MBNL1: variants seen among roughly 807,000 people sequenced by gnomAD.
MBNL1 encodes muscleblind like splicing regulator 1.
Under a neutral mutation model 42.2 loss-of-function variants are expected in MBNL1, and 8 were observed. That is an observed-to-expected ratio of 0.19 (90% CI 0.11 to 0.34). MBNL1 has a LOEUF of 0.34. MBNL1 is among the 10% of genes least tolerant of loss of function. MBNL1 has a pLI of 1.00. For missense variants in MBNL1, 309 were observed against 495.3 expected, an observed-to-expected ratio of 0.62 and a Z score of 3.57; for synonymous variants, 169 against 173.9, an observed-to-expected ratio of 0.97 and a Z score of 0.22.
chr3:152,295,964 G>A (rs1395011688), intron 1 of MBNL1, among the ~76,000 whole-genome samples: 1 of 152,194 alleles, frequency 6.6e-6, no homozygotes, highest in Non-Finnish European at 1.5e-5. Context: ...TGTAAATCAT[G>A]TTACAGGTCA....
chr3:152,280,471 CAGA>C (rs1488690614), intron 1 of MBNL1, among the ~76,000 whole-genome samples: 1 of 152,072 alleles, frequency 6.6e-6, no homozygotes, highest in Non-Finnish European at 1.5e-5. Context: ...CTGGACTAGA[CAGA>C]AGAAATTAAT....
chr3:152,389,860 T>G (rs1482997555), intron 2 of MBNL1, among the ~76,000 whole-genome samples: 3 of 152,126 alleles, frequency 2.0e-5, no homozygotes, highest in African/African-American at 7.2e-5. Context: ...AAATTAACCT[T>G]AATGTAATTT....
intron 2 of MBNL1, among the ~76,000 whole-genome samples, chr3:152,343,696 A>G (rs2152879510): frequency 6.6e-6 from 1 of 152,160 alleles, no homozygotes; most frequent in East Asian, 1.9e-4. Context: ...TGACGGGTTT[A>G]GGAACTCAGT....
intron 3 of MBNL1, among the ~76,000 whole-genome samples, chr3:152,421,596 G>T (rs6772552): frequency 6.6e-5 from 10 of 151,886 alleles, no homozygotes; most frequent in Non-Finnish European, 1.5e-4. Context: ...TACAGAGAAC[G>T]ACACAAATAT....
At chr3:152,451,928 G>T (rs563807814) in intron 6 of MBNL1, among the ~76,000 whole-genome samples, 4 of 152,242 alleles carry the variant, frequency 2.6e-5, no homozygotes, top group African/African-American at 9.6e-5. Context: ...AATGGCTTTT[G>T]TAAGGTTTAG....
At chr3:152,354,292 A>AAAT (rs955790437) in intron 2 of MBNL1, among the ~76,000 whole-genome samples, 34 of 152,148 alleles carry the variant, frequency 2.2e-4, no homozygotes, top group African/African-American at 7.2e-4. Flanking sequence ...CTGTCTCTAA[A>AAAT]AATAATAATA....
intron 2 of MBNL1, among the ~76,000 whole-genome samples, chr3:152,333,401 A>G (rs2086784655): frequency 6.6e-6 from 1 of 152,212 alleles, no homozygotes; most frequent in Non-Finnish European, 1.5e-5. Context: ...GTTTTTGGAA[A>G]AAGACAGGGA....
chr3:152,262,520 A>G (rs2036467929), intron 2 of MBNL1: 1 of 152,202 alleles, frequency 6.6e-6, no homozygotes, highest in South Asian at 2.1e-4. Context: ...TACAATGAGT[A>G]AGTAGATAGA....
chr3:152,419,185 T>C (rs1463055189), intron 3 of MBNL1, among the ~76,000 whole-genome samples: 9 of 151,972 alleles, frequency 5.9e-5, no homozygotes, highest in Non-Finnish European at 1.3e-4. Context: ...TGCAAAATGA[T>C]CTTTTTTTTT....
chr3:152,266,628 C>T (rs1423646379), upstream of MBNL1: 1 of 152,210 alleles, frequency 6.6e-6, no homozygotes, highest in East Asian at 1.9e-4. Context: ...AGCTAGGGCA[C>T]CAACCTGCTA....
upstream of MBNL1, chr3:152,267,866 G>C (rs1289915682): frequency 6.6e-6 from 1 of 152,190 alleles, no homozygotes; most frequent in African/African-American, 2.4e-5. Flanking sequence ...GAAGAATGTT[G>C]TACCATATCC....
At chr3:152,319,295 C>T (rs573629539) in intron 2 of MBNL1, among the ~76,000 whole-genome samples, 1 of 152,130 alleles carries the variant, frequency 6.6e-6, no homozygotes, top group South Asian at 2.1e-4. Context: ...TTGAACTCTG[C>T]TGATTTAGTG....
At chr3:152,301,435 TA>T (rs2060680789) in intron 2 of MBNL1, among the ~76,000 whole-genome samples, 2 of 152,322 alleles carry the variant, frequency 1.3e-5, no homozygotes, top group East Asian at 3.9e-4. Flanking sequence ...ATCTTGTCTT[TA>T]AAAATATATG....
chr3:152,328,357 AT>A (rs1271178145), intron 2 of MBNL1, among the ~76,000 whole-genome samples: 1 of 152,190 alleles, frequency 6.6e-6, no homozygotes, highest in East Asian at 1.9e-4. Context: ...TTATGTTGTT[AT>A]TTTATTAGGT....
Position 152,401,744 on chromosome 3 carries a change from G to A in MBNL1, c.175-13197G>A, listed in dbSNP as rs188049223. 3.2e-4 allele frequency among the ~76,000 whole-genome samples: 48 copies of A among 152,242 alleles called. No homozygotes were observed. In the South Asian group the frequency reaches 6.6e-3, roughly 21 times the overall value. On this transcript the variant is annotated intron_variant, in intron 2 of 9. Coordinates refer to ENST00000324210, the MANE Select transcript of MBNL1 (RefSeq NM_021038.5). The stretch of plus-strand genomic sequence containing the variant: ...GGTTAATTCATTAAAGGAGATTTGC[G>A]GCTGGACGTGGTGGCTCACGCCTGT...
intron 2 of MBNL1, among the ~76,000 whole-genome samples, chr3:152,327,137 T>C (rs1178118197): frequency 6.6e-6 from 1 of 151,826 alleles, no homozygotes; most frequent in African/African-American, 2.4e-5. Flanking sequence ...CTTCTCCTAA[T>C]TTTTTTTGAT....
intron 2 of MBNL1, among the ~76,000 whole-genome samples, chr3:152,360,692 T>C (rs1485467736): frequency 6.6e-6 from 1 of 152,124 alleles, no homozygotes; most frequent in Non-Finnish European, 1.5e-5. Context: ...CCTCAGCTTT[T>C]ATTTTGAAAA....
At chr3:152,313,339 T>G (rs2068228350) in intron 2 of MBNL1, among the ~76,000 whole-genome samples, 1 of 152,116 alleles carries the variant, frequency 6.6e-6, no homozygotes, top group Non-Finnish European at 1.5e-5. Flanking sequence ...TTATTTTTTA[T>G]GGCAAAGAAT....
chr3:152,464,282 C>A lies in MBNL1; in HGVS notation c.*1916C>A, dbSNP rs1345665655. 4 of 152,440 alleles carry A rather than the reference C, an allele frequency of 2.6e-5. No homozygotes were observed. 9.4% of individuals were successfully genotyped at this position (152,440 alleles called of 1,614,324 possible). The stretch of plus-strand genomic sequence containing the variant: ...TCATAACATACTCAGTTTTGAATTA[C>A]ATGTAGTGTCACATGAATATTCGTA... On this transcript the variant is annotated 3_prime_UTR_variant, in exon 10 of 10. Transcript: ENST00000324210.
Sources: allele counts gnomAD v4.1 joint callset (sites outside exome capture counted in the v4.1 genomes callset), GRCh38; gene constraint gnomAD v4.1.1; transcripts MANE v1.5; gene names NCBI Gene and HGNC (gene_info 2026-07-23, HGNC 2026-07-21).